AP2A2: variants seen among roughly 807,000 people sequenced by gnomAD.
AP2A2 encodes the protein AP-2 complex subunit alpha-2.
In AP2A2, 32 loss-of-function variants were observed where a neutral mutation model predicts 104.2. The ratio of observed to expected loss-of-function variants is 0.31; its 90% CI spans 0.23 to 0.41. The LOEUF (loss-of-function observed/expected upper bound fraction) is 0.41. Among genes scored for constraint, AP2A2 ranks in the 10% least tolerant of loss-of-function variants. AP2A2 has a pLI of 1.00. For synonymous variants in AP2A2, 539 were observed against 533.3 expected, an observed-to-expected ratio of 1.01 and a Z score of -0.15; for missense variants, 912 against 1,261.0, an observed-to-expected ratio of 0.72 and a Z score of 4.19.
intron 2 of AP2A2, among the ~76,000 whole-genome samples, chr11:966,369 A>T (rs1021531902): frequency 1.4e-4 from 21 of 152,174 alleles, no homozygotes; most frequent in African/African-American, 4.8e-4. Flanking sequence ...GTGGTTGCAC[A>T]TGCCTGTGGT....
intron 1 of AP2A2, among the ~76,000 whole-genome samples, chr11:938,606 C>G (rs1853543466): frequency 6.6e-6 from 1 of 151,810 alleles, no homozygotes; most frequent in African/African-American, 2.4e-5. Context: ...TCTCGAGTAG[C>G]TGGGACTACA....
chr11:994,326 C>G (rs1319722391), intron 14 of AP2A2, 81 bp downstream of exon 14: 1 of 1,540,590 alleles, frequency 6.5e-7, no homozygotes, highest in African/African-American at 1.4e-5. Flanking sequence ...ATTTGCCTGT[C>G]AGGGAGGAGC....
chr11:1,001,936 C>G (rs1856042355), intron 15 of AP2A2, among the ~76,000 whole-genome samples: 1 of 152,162 alleles, frequency 6.6e-6, no homozygotes, highest in African/African-American at 2.4e-5. Flanking sequence ...CATCAGGTGT[C>G]TGCGTGTGTT....
intron 2 of AP2A2, among the ~76,000 whole-genome samples, chr11:964,529 T>C (rs1442925505): frequency 6.6e-6 from 1 of 152,282 alleles, no homozygotes; most frequent in Admixed American, 6.5e-5. Flanking sequence ...GGGAATTAAT[T>C]TGGGGCCCTG....
chr11:977,644 G>T (rs1029827427), intron 5 of AP2A2, among the ~76,000 whole-genome samples: 4 of 151,768 alleles, frequency 2.6e-5, no homozygotes, highest in Non-Finnish European at 2.9e-5. Flanking sequence ...GAGGTTTCCA[G>T]CGATTTGGTG....
intron 9 of AP2A2, 150 bp downstream of exon 9, chr11:987,103 G>T: frequency 1.0e-6 from 1 of 992,400 alleles, no homozygotes. Context: ...CCTACTCTTG[G>T]GAGGTCACAC....
chr11:936,248 T>C (rs990835565), intron 1 of AP2A2, among the ~76,000 whole-genome samples: 10 of 145,574 alleles, frequency 6.9e-5, no homozygotes, highest in Non-Finnish European at 1.1e-4. Flanking sequence ...AGGGTCTTGC[T>C]GTCGCCCAGG....
intron 2 of AP2A2, among the ~76,000 whole-genome samples, chr11:962,200 C>G (rs755824864): frequency 2.6e-5 from 4 of 152,228 alleles, no homozygotes; most frequent in Non-Finnish European, 5.9e-5. Context: ...TGTCACTGGG[C>G]CTTCACTGAA....
chr11:1,007,028 G>A (rs1231374537), intron 17 of AP2A2: 1 of 163,978 alleles, frequency 6.1e-6, no homozygotes, highest in Non-Finnish European at 1.3e-5. Context: ...AGCCGAGCTT[G>A]TGTGTGCTTC....
chr11:982,939 C>A (rs1444243241), intron 6 of AP2A2, among the ~76,000 whole-genome samples: 1 of 151,788 alleles, frequency 6.6e-6, no homozygotes, highest in Non-Finnish European at 1.5e-5. Flanking sequence ...GTGTGAGCCC[C>A]TGCGCCTGGC....
At chr11:947,222 G>T (rs1011932195) in intron 1 of AP2A2, among the ~76,000 whole-genome samples, 4 of 152,018 alleles carry the variant, frequency 2.6e-5, no homozygotes, top group Non-Finnish European at 5.9e-5. Flanking sequence ...TGTTGGTCAG[G>T]CTGGTCTCGA....
At chr11:943,602 T>G (rs1853728946) in intron 1 of AP2A2, among the ~76,000 whole-genome samples, 1 of 152,094 alleles carries the variant, frequency 6.6e-6, no homozygotes, top group African/African-American at 2.4e-5. Context: ...CTGTGGAAAG[T>G]AGGTTGGAGG....
At chr11:948,893 A>G (rs935451117) in intron 1 of AP2A2, among the ~76,000 whole-genome samples, 1 of 152,190 alleles carries the variant, frequency 6.6e-6, no homozygotes, top group African/African-American at 2.4e-5. Flanking sequence ...CTGAAAAACA[A>G]GATCTTGTCA....
intron 9 of AP2A2, 54 bp from the exon 10 acceptor site, chr11:988,498 C>G: frequency 5.7e-6 from 9 of 1,588,274 alleles, no homozygotes; most frequent in Non-Finnish European, 7.7e-6. Context: ...CCCAGCCTGT[C>G]CCCAAGCTTG....
rs78408613 is a variant in AP2A2, at chr11:1,010,421, C to T, written c.2743-127C>T. 3.9e-3 allele frequency: 2,715 copies of T among 702,904 alleles called. 50 individuals are homozygous for T. In the African/African-American group the frequency reaches 0.043, roughly 11 times the overall value. 43.5% of individuals were successfully genotyped at this position (702,904 alleles called of 1,614,324 possible). On this transcript the variant is annotated intron_variant, in intron 21 of 21. Coordinates refer to ENST00000448903, the MANE Select transcript of AP2A2 (RefSeq NM_012305.4). The stretch of plus-strand genomic sequence containing the variant: ...GTGTGTGTGGTGCTCAGGCCTCTGC[C>T]GAGTTGTGGGTGCCTCCAGAGAGTG...
At position 968,356 on chromosome 11, in the gene AP2A2, C is replaced by T. The variant is rs72850165; in HGVS notation, c.137-1813C>T. ...AGCACCCGGGAGCTCTAGAGCAGCT[C>T]TTCGTCTGGGGTCCCGCGGGAGCAG... On this transcript the variant is annotated intron_variant, in intron 2 of 21. Transcript: ENST00000448903. The surrounding 1 kb of genome is among the most constrained non-coding windows in gnomAD (Gnocchi z 4.2). Among the ~76,000 whole-genome samples the T allele has an allele frequency of 0.086, 13,043 of 152,078 alleles. 830 individuals carry two copies. The highest frequency in any genetic ancestry group is 0.24 in the South Asian group (1,143 of 4,784).
intron 1 of AP2A2, among the ~76,000 whole-genome samples, chr11:954,640 G>T (rs956747964): frequency 2.6e-5 from 4 of 152,064 alleles, no homozygotes; most frequent in African/African-American, 9.6e-5. Context: ...GCTTGTACGT[G>T]TATTTGTGTG....
At chr11:999,057 G>A (rs766748051) in intron 14 of AP2A2, among the ~76,000 whole-genome samples, 13 of 152,310 alleles carry the variant, frequency 8.5e-5, no homozygotes, top group South Asian at 6.2e-4. Flanking sequence ...GGCAGGACCC[G>A]TGGAGCCCAG....
chr11:970,390 G>A (rs1177447006), intron 3 of AP2A2, 79 bp downstream of exon 3: 6 of 1,543,386 alleles, frequency 3.9e-6, no homozygotes, highest in African/African-American at 1.4e-5. Flanking sequence ...GTGTAGGGCC[G>A]CTGCTTCCTT....
Sources: gnomAD v4.1 joint callset for allele counts (sites outside exome capture counted in the v4.1 genomes callset) on GRCh38, gnomAD v4.1.1 for gene constraint, Gnocchi (gnomAD v3.1) non-coding constraint, MANE v1.5 for transcripts, NCBI Gene and HGNC (gene_info 2026-07-23, HGNC 2026-07-21) for gene names.